The following LAMB3 variants were observed in gnomAD, a reference collection of about 807,000 sequenced individuals.
The protein encoded by LAMB3 is laminin subunit beta 3, also known as laminin subunit beta-3.
A neutral mutation model predicts 140.3 loss-of-function variants in LAMB3; 104 were observed. The observed-to-expected ratio is 0.74, with a 90% confidence interval of 0.63 to 0.87. The LOEUF is 0.87. LAMB3 is among the 40% of genes least tolerant of loss of function. The probability of loss-of-function intolerance (pLI) is 0.00; values close to 1 mark genes in which losing one functional copy is unlikely to be tolerated. For missense variants in LAMB3, 1,531 were observed against 1,575.2 expected (o/e 0.97, Z 0.47); for synonymous variants, 592 against 602.9 (o/e 0.98, Z 0.26).
At chr1:209,631,757 C>G (rs1197785119) in intron 8 of LAMB3, among the ~76,000 whole-genome samples, 1 of 152,220 alleles carries the variant, frequency 6.6e-6, no homozygotes, top group Non-Finnish European at 1.5e-5. Context: ...TGGGCCCTGA[C>G]AGATGACACA....
Position 209,626,027 on chromosome 1 carries a change from C to A in LAMB3, c.1598-1G>T. ...GTTCCCCGGAAATCACAGTCACAGG[C>A]TAGGGCCAAGAAAAATGACAGTCAG... On this transcript the variant is annotated splice_acceptor_variant, in intron 13 of 22. Transcript: ENST00000356082. LOFTEE classifies it high-confidence loss of function. The A allele has an allele frequency of 1.9e-6, 3 of 1,612,298 alleles. No homozygotes were observed. The South Asian group carries it at 3.3e-5, about 18-fold the overall frequency.
chr1:209,631,835 G>A (rs6701526), intron 8 of LAMB3, among the ~76,000 whole-genome samples: 45,266 of 152,142 alleles, frequency 0.3, 8,236 homozygotes, highest in Middle Eastern at 0.5. Flanking sequence ...GAAGTGGAAA[G>A]AAGAATGCCA....
At chr1:209,617,762 G>T in intron 20 of LAMB3, 145 bp downstream of exon 20, 1 of 1,245,242 alleles carries the variant, frequency 8.0e-7, no homozygotes, top group Non-Finnish European at 1.2e-6. Flanking sequence ...AAAATCCAAG[G>T]CCCATAGCCT....
intron 1 of LAMB3, among the ~76,000 whole-genome samples, chr1:209,651,786 T>G (rs994694154): frequency 6.6e-6 from 1 of 151,636 alleles, no homozygotes; most frequent in African/African-American, 2.4e-5. Flanking sequence ...GCAGTGACCC[T>G]TCTGCCTTGA....
At chr1:209,641,609 C>T (rs912306041) in intron 3 of LAMB3, among the ~76,000 whole-genome samples, 5 of 152,130 alleles carry the variant, frequency 3.3e-5, no homozygotes, top group African/African-American at 9.7e-5. Context: ...GCCCCAAGGC[C>T]CCAAGAAGGG....
chr1:209,628,293 G>T, intron 10 of LAMB3, 103 bp from the exon 11 acceptor site: 1 of 1,322,934 alleles, frequency 7.6e-7, no homozygotes, highest in Non-Finnish European at 1.1e-6. Context: ...TTCCACCACT[G>T]GATTTCAAAT....
intron 3 of LAMB3, among the ~76,000 whole-genome samples, chr1:209,639,421 C>G (rs1386062923): frequency 6.6e-6 from 1 of 152,098 alleles, no homozygotes; most frequent in South Asian, 2.1e-4. Flanking sequence ...TTCGGTATTC[C>G]CTACCTACAG....
chr1:209,615,278 C>A lies in LAMB3; in HGVS notation c.3512G>T (p.Cys1171Phe). 1.2e-6 allele frequency: 2 copies of A among 1,614,146 alleles called. No homozygotes were observed. The highest frequency in any genetic ancestry group is 8.5e-7 in the Non-Finnish European group (1 of 1,180,024). ...GGGCTGGAAGCTGTAGCATCACTTG[C>A]AGGTGGCATAGTAGAGCACGCGCCC... is the stretch of plus-strand genomic sequence containing the variant. ...INGRVLYYAT[C>F]K The change falls in exon 23 of 23, where the codon TGC becomes TTC. Residue 1171 changes from cysteine (C) to phenylalanine (F), a missense_variant. Cys to Phe is a radical substitution (Grantham distance 205). Transcript: ENST00000356082.
chr1:209,626,904 T>A lies in LAMB3; in HGVS notation c.1560A>T (p.Pro520=). The A allele has an allele frequency of 6.2e-7, 1 of 1,613,954 alleles. No homozygotes were observed. Among genetic ancestry groups the A allele is most frequent in the Non-Finnish European group, 8.5e-7 (1 of 1,179,980 alleles). The change falls in exon 13 of 23, where the codon CCA becomes CCT. Residue 520 remains proline, a synonymous_variant. Transcript: ENST00000356082. Reference sequence around the variant, plus strand: ...TGGCCACGTCTCCATAGGTCCGGTCTGGACACTGGCGGATGGCTGCAGCGC... The same window carrying A: ...TGGCCACGTCTCCATAGGTCCGGTCAGGACACTGGCGGATGGCTGCAGCGC... The part of the protein sequence containing the change: ...MCSAAAIRQC[P]DRTYGDVATG...
At chr1:209,633,260 A>AC in intron 6 of LAMB3, 127 bp from the exon 7 acceptor site, 1 of 747,740 alleles carries the variant, frequency 1.3e-6, no homozygotes. Context: ...CCTGAGATAG[A>AC]CCATGGCTAT....
chr1:209,623,571 G>T lies in LAMB3; in HGVS notation c.2292C>A (p.Ser764Arg). The T allele has an allele frequency of 1.9e-6, 3 of 1,614,194 alleles. No homozygotes were observed. The highest frequency in any genetic ancestry group is 2.5e-6 in the Non-Finnish European group (3 of 1,180,028). Residue 764 changes from serine to arginine, a missense_variant, in exon 16 of 23, where the codon AGC becomes AGA. Physicochemically the swap from Ser to Arg is moderately radical, Grantham distance 110. Transcript: ENST00000356082. The surrounding 1 kb of genome is among the most constrained non-coding windows in gnomAD (Gnocchi z 4.2). The part of the protein sequence containing the change: ...RQAGGGGGTG[S>R]PKLVALRLEM... ...CCAGCCTCAGGGCCACAAGCTTGGGGCTGCCGGTGCCTCCTCCTCCTCCCG... is the reference window on the plus strand; with the variant it reads ...CCAGCCTCAGGGCCACAAGCTTGGGTCTGCCGGTGCCTCCTCCTCCTCCCG...
In LAMB3 at chr1:209,634,431, G is replaced by A. The variant is rs573929772; in HGVS notation, c.564+16C>T. ...ATTTCTCCCCAGGCCTACTTTTCAG[G>A]ATTCCCTCTACCTACCTTCCCCCCA... On this transcript the variant is annotated intron_variant, in intron 6 of 22. Coordinates refer to ENST00000356082, the MANE Select transcript of LAMB3 (RefSeq NM_000228.3). The A allele has an allele frequency of 3.1e-6, 5 of 1,612,492 alleles. No homozygotes were observed. The East Asian group carries it at 8.9e-5, about 29-fold the overall frequency.
At chr1:209,622,216 A>G (rs1666221624) in intron 18 of LAMB3, among the ~76,000 whole-genome samples, 1 of 152,194 alleles carries the variant, frequency 6.6e-6, no homozygotes, top group South Asian at 2.1e-4. Flanking sequence ...CCACGATGGG[A>G]GTTGAGAGCT....
At chr1:209,645,078 C>G (rs1303744358) in intron 3 of LAMB3, among the ~76,000 whole-genome samples, 1 of 152,174 alleles carries the variant, frequency 6.6e-6, no homozygotes, top group Non-Finnish European at 1.5e-5. Context: ...TACCCCTTAG[C>G]CCATAACAAT....
At chr1:209,635,863 C>A (rs1666878133) in intron 5 of LAMB3, among the ~76,000 whole-genome samples, 1 of 152,104 alleles carries the variant, frequency 6.6e-6, no homozygotes, top group Non-Finnish European at 1.5e-5. Context: ...GTGAAGAGGC[C>A]CCAGGCTCCC....
chr1:209,648,314 T>A (rs1005241854), intron 3 of LAMB3, among the ~76,000 whole-genome samples: 1 of 152,190 alleles, frequency 6.6e-6, no homozygotes, highest in Non-Finnish European at 1.5e-5. Flanking sequence ...AGGGGTAATC[T>A]CTTGCCCAAG....
rs1244758582 is a variant in LAMB3, at chr1:209,623,330, C to G, written c.2359-151G>C. The G allele has an allele frequency of 9.7e-6, 10 of 1,035,764 alleles. No homozygotes were observed. In the East Asian group the frequency reaches 2.6e-4, roughly 27 times the overall value. The allele number at this position is 1,035,764 out of a possible 1,614,324, so 64.2% of individuals were successfully genotyped here. On this transcript the variant is annotated intron_variant, in intron 16 of 22. Transcript: ENST00000356082. This position sits in a 1 kb window ranked among gnomAD's most constrained non-coding sequence, Gnocchi z 4.2. ...CTCCATGAGAGCTAAGGACCAGAAACTGGTTTCCTTGGCAACCACTGAGCT... is the reference window on the plus strand; with the variant it reads ...CTCCATGAGAGCTAAGGACCAGAAAGTGGTTTCCTTGGCAACCACTGAGCT...
Position 209,617,568 on chromosome 1 carries a change from G to A in LAMB3, c.3070C>T (p.Pro1024Ser). Residue 1024 changes from proline to serine, a missense_variant, in exon 21 of 23, where the codon CCA (proline) becomes TCA (serine). Physicochemically the swap from Pro to Ser is moderately conservative, Grantham distance 74. Transcript: ENST00000356082. ...ATGCTTGTCACCAGCTTTTCTGCTG[G>A]CCGCAGTACCTGCTGAACCTTTGTG... ...RVAEVQQVLRPAEKLVTSMTK... is the reference protein window; with the variant it reads ...RVAEVQQVLRSAEKLVTSMTK... 6.2e-7 allele frequency: 1 copy of A among 1,613,964 alleles called. No homozygotes were observed. The highest frequency in any genetic ancestry group is 1.1e-5 in the South Asian group (1 of 91,082).
rs557782394 is a variant in LAMB3 at position 209,624,220 on chromosome 1, C to A, written c.1977-220G>T. Reference sequence around the variant, plus strand: ...CAGGTGCAGATGGAGCCACAAAACTCTCCTCCCTTGACTTCTATGACCCAA... The same window carrying A: ...CAGGTGCAGATGGAGCCACAAAACTATCCTCCCTTGACTTCTATGACCCAA... On this transcript the variant is annotated intron_variant, in intron 14 of 22. Transcript: ENST00000356082. 3.7e-4 allele frequency among the ~76,000 whole-genome samples: 56 copies of A among 152,316 alleles called. 1 individual carries two copies. The highest frequency in any genetic ancestry group is 5.9e-4 in the Non-Finnish European group (40 of 68,030).
Sources: allele counts gnomAD v4.1 joint callset (sites outside exome capture counted in the v4.1 genomes callset), GRCh38; gene constraint gnomAD v4.1.1; non-coding constraint Gnocchi (gnomAD v3.1); transcripts MANE v1.5; gene names NCBI Gene and HGNC (gene_info 2026-07-23, HGNC 2026-07-21).